The following XKR4 variants were observed in gnomAD, a reference collection of about 807,000 sequenced individuals.
XKR4 encodes the protein XK related 4, also known as XK-related protein 4.
A neutral mutation model predicts 53.9 loss-of-function variants in XKR4; 12 were observed. That is an observed-to-expected ratio of 0.22 (90% CI 0.14 to 0.36). The LOEUF is 0.36. XKR4 is among the 10% of genes least tolerant of loss of function. The pLI, the probability that XKR4 is intolerant of heterozygous loss-of-function variation, is 1.00. For synonymous variants in XKR4, 354 were observed against 362.4 expected (o/e 0.98, Z 0.26); for missense variants, 799 against 859.5 (o/e 0.93, Z 0.88).
Position 55,103,289 on chromosome 8 carries a change from C to T in XKR4, c.801C>T (p.Ile267=), listed in dbSNP as rs193225697. The change falls in exon 1 of 3, where the codon ATC becomes ATT. Residue 267 remains isoleucine, a synonymous_variant. Coordinates refer to ENST00000327381, the MANE Select transcript of XKR4 (RefSeq NM_052898.2). The stretch of plus-strand genomic sequence containing the variant: ...TCCACATCTTGCAGCTCGGGCAAAT[C>T]TGGAGGTACTGTAATGGGTGGGGGA... ...SLIHILQLGQ[I]WRYFHTIYLG... is the part of the protein sequence containing the mutation. 6.2e-6 allele frequency: 10 copies of T among 1,604,234 alleles called. No homozygotes were observed. In the Admixed American group the frequency reaches 1.3e-4, roughly 22 times the overall value.
At chr8:55,331,091 A>G (rs978316941) in intron 1 of XKR4, among the ~76,000 whole-genome samples, 6 of 152,116 alleles carry the variant, frequency 3.9e-5, no homozygotes, top group African/African-American at 1.2e-4. Context: ...CATCACCCCA[A>G]ACTGAAACTG....
intron 1 of XKR4, among the ~76,000 whole-genome samples, chr8:55,354,776 G>T (rs1765476478): frequency 6.7e-6 from 1 of 150,030 alleles, no homozygotes; most frequent in Admixed American, 6.6e-5. Context: ...TGAGCTGAAA[G>T]AAAATTTTAA....
chr8:55,145,015 A>G (rs1816753771), intron 1 of XKR4, among the ~76,000 whole-genome samples: 1 of 151,870 alleles, frequency 6.6e-6, no homozygotes, highest in Non-Finnish European at 1.5e-5. Context: ...TATTTTTAGT[A>G]GAAACAGAGT....
At chr8:55,317,553 C>T (rs1249890085) in intron 1 of XKR4, among the ~76,000 whole-genome samples, 1 of 152,136 alleles carries the variant, frequency 6.6e-6, no homozygotes, top group Non-Finnish European at 1.5e-5. Flanking sequence ...TTAACATTGG[C>T]TCTGATTTAT....
In XKR4 at chr8:55,332,756, A is replaced by G. The variant is rs545976249; in HGVS notation, c.807-24922A>G. Reference sequence around the variant, plus strand: ...CAGCTGTTTGTATTTGTATACACGTATCTTTCCTGAAATTCAGGAAGTTTT... The same window carrying G: ...CAGCTGTTTGTATTTGTATACACGTGTCTTTCCTGAAATTCAGGAAGTTTT... On this transcript the variant is annotated intron_variant, in intron 1 of 2. Transcript: ENST00000327381. Among the ~76,000 whole-genome samples the G allele has an allele frequency of 2.0e-5, 3 of 152,066 alleles. No homozygotes were observed. In the South Asian group the frequency reaches 6.2e-4, roughly 32 times the overall value.
intron 2 of XKR4, among the ~76,000 whole-genome samples, chr8:55,439,501 G>C (rs1160136042): frequency 1.3e-5 from 2 of 152,126 alleles, no homozygotes; most frequent in Admixed American, 1.3e-4. Flanking sequence ...AGAAATGAAA[G>C]CATGGTGCAA....
chr8:55,110,285 C>A (rs1489504097), intron 1 of XKR4, among the ~76,000 whole-genome samples: 1 of 152,244 alleles, frequency 6.6e-6, no homozygotes, highest in Non-Finnish European at 1.5e-5. Flanking sequence ...ACCACCATAA[C>A]AAGTGACCTC....
chr8:55,176,410 T>C (rs781175569), intron 1 of XKR4, among the ~76,000 whole-genome samples: 2 of 152,158 alleles, frequency 1.3e-5, no homozygotes, highest in Non-Finnish European at 2.9e-5. Context: ...CTCCACTCCA[T>C]TGTGCACATC....
intron 1 of XKR4, among the ~76,000 whole-genome samples, chr8:55,142,800 G>A (rs1039233890): frequency 6.6e-6 from 1 of 152,200 alleles, no homozygotes; most frequent in Non-Finnish European, 1.5e-5. Flanking sequence ...TGCGTGATGT[G>A]TAACATACGT....
At chr8:55,372,220 G>T (rs973055269) in intron 2 of XKR4, among the ~76,000 whole-genome samples, 1 of 152,190 alleles carries the variant, frequency 6.6e-6, no homozygotes, top group African/African-American at 2.4e-5. Context: ...CCAAACACTG[G>T]CTGCTTGTTG....
intron 2 of XKR4, among the ~76,000 whole-genome samples, chr8:55,506,266 GA>G (rs1317309207): frequency 6.6e-6 from 1 of 152,234 alleles, no homozygotes; most frequent in Non-Finnish European, 1.5e-5. Flanking sequence ...GAGGACTCCT[GA>G]ATCAGTCTGG....
chr8:55,164,665 G>A (rs1320802361), intron 1 of XKR4: 5 of 317,938 alleles, frequency 1.6e-5, no homozygotes, highest in African/African-American at 1.1e-4. Flanking sequence ...TAAGTTTACA[G>A]GGGGAAAGAG....
intron 2 of XKR4, among the ~76,000 whole-genome samples, chr8:55,463,693 T>C (rs1805702455): frequency 6.6e-6 from 1 of 152,048 alleles, no homozygotes; most frequent in South Asian, 2.1e-4. Flanking sequence ...AGGAGCTGGT[T>C]TTTTGAAAAG....
Position 55,523,513 on chromosome 8 carries a change from C to A in XKR4, c.1239C>A (p.Thr413=). 2 of 1,614,218 alleles carry A rather than the reference C, an allele frequency of 1.2e-6. No homozygotes were observed. Among genetic ancestry groups the A allele is most frequent in the African/African-American group, 2.7e-5 (2 of 75,032 alleles). The change falls in exon 3 of 3, where the codon ACC becomes ACA. Residue 413 remains threonine, a synonymous_variant. Coordinates refer to ENST00000327381, the MANE Select transcript of XKR4 (RefSeq NM_052898.2). ...IFIVLHWCIM[T]FWIVHCETEF... ...TCGTCCTTCACTGGTGCATCATGAC[C>A]TTCTGGATCGTCCACTGTGAGACAG...
At chr8:55,223,471 T>C (rs941229632) in intron 1 of XKR4, among the ~76,000 whole-genome samples, 3 of 152,220 alleles carry the variant, frequency 2.0e-5, no homozygotes, top group Non-Finnish European at 4.4e-5. Flanking sequence ...GTTCAGACAT[T>C]TGACACTTTA....
intron 2 of XKR4, among the ~76,000 whole-genome samples, chr8:55,365,707 C>CAAAAA (rs397932881): frequency 3.9e-5 from 3 of 76,160 alleles, no homozygotes; most frequent in African/African-American, 9.3e-5. Context: ...AACTTCGTCT[C>CAAAAA]AAAAAAAAAA....
At chr8:55,241,641 A>G (rs941597684) in intron 1 of XKR4, among the ~76,000 whole-genome samples, 11 of 152,124 alleles carry the variant, frequency 7.2e-5, no homozygotes, top group African/African-American at 2.7e-4. Context: ...CCAAATCTCA[A>G]TACTAGAATT....
chr8:55,451,341 T>C, intron 2 of XKR4: 1 of 641,262 alleles, frequency 1.6e-6, no homozygotes, highest in Non-Finnish European at 2.8e-6. Context: ...TGACCCTGGC[T>C]CTGGGGCTGC....
intron 1 of XKR4, among the ~76,000 whole-genome samples, chr8:55,311,581 A>C (rs1819389786): frequency 6.6e-6 from 1 of 152,164 alleles, no homozygotes; most frequent in African/African-American, 2.4e-5. Flanking sequence ...GGTCTAACAC[A>C]GTTTGTTACA....
Sources: gnomAD v4.1 joint callset for allele counts (sites outside exome capture counted in the v4.1 genomes callset) on GRCh38, gnomAD v4.1.1 for gene constraint, MANE v1.5 for transcripts, NCBI Gene and HGNC (gene_info 2026-07-23, HGNC 2026-07-21) for gene names.